COMMD10: variants seen among roughly 807,000 people sequenced by gnomAD.
The protein encoded by COMMD10 is COMM domain-containing protein 10.
In COMMD10, 33 loss-of-function variants were observed where a neutral mutation model predicts 28.9. That is an observed-to-expected ratio of 1.14 (90% CI 0.87 to 1.53). COMMD10 has a LOEUF of 1.53. COMMD10 is among the 40% of genes most tolerant of loss of function. The probability of loss-of-function intolerance (pLI) is 0.00; values close to 1 mark genes in which losing one functional copy is unlikely to be tolerated. For synonymous variants in COMMD10, 110 were observed against 81.7 expected, an observed-to-expected ratio of 1.35 and a Z score of -1.87; for missense variants, 310 against 233.4, an observed-to-expected ratio of 1.33 and a Z score of -2.14.
chr5:116,288,694 T>G (rs1197014660), intron 5 of COMMD10, among the ~76,000 whole-genome samples: 11 of 151,700 alleles, frequency 7.3e-5, no homozygotes, highest in Admixed American at 5.9e-4. Context: ...CACTGATTCT[T>G]CATTCTGCCT....
At position 116,241,651 on chromosome 5, in the gene COMMD10, C is replaced by T. The variant is rs1480629754; in HGVS notation, c.511-49866C>T. Among the ~76,000 whole-genome samples the T allele has an allele frequency of 5.3e-5, 8 of 150,644 alleles. No homozygotes were observed. In the East Asian group the frequency reaches 9.7e-4, roughly 18 times the overall value. ...ATTTTGAGATGGAGTCTCGCTCTGT[C>T]GCCCAGGCTGGAGTGCAGTGGCGCA... On this transcript the variant is annotated intron_variant, in intron 5 of 6. Coordinates refer to ENST00000274458, the MANE Select transcript of COMMD10 (RefSeq NM_016144.4).
At chr5:116,156,021 C>G (rs1219603452) in intron 5 of COMMD10, among the ~76,000 whole-genome samples, 2 of 151,744 alleles carry the variant, frequency 1.3e-5, no homozygotes, top group Admixed American at 1.3e-4. Flanking sequence ...TTTCTTTTTT[C>G]TTCATGTTAA....
intron 4 of COMMD10, 144 bp downstream of exon 4, chr5:116,092,844 C>T (rs570575160): frequency 7.9e-6 from 4 of 503,600 alleles, no homozygotes; most frequent in Non-Finnish European, 1.0e-5. Flanking sequence ...TTACAATGGC[C>T]TTACATCCTG....
chr5:116,125,546 A>G (rs969714624), intron 4 of COMMD10, among the ~76,000 whole-genome samples: 3 of 152,014 alleles, frequency 2.0e-5, no homozygotes, highest in East Asian at 3.9e-4. Context: ...GCTCTTCTCC[A>G]GGAGTATCTT....
At chr5:116,085,252 CGGAGTGCGT>C in intron 1 of COMMD10, 159 bp downstream of exon 1, 1 of 681,688 alleles carries the variant, frequency 1.5e-6, no homozygotes, top group South Asian at 1.8e-5. Context: ...GCTGCGTCTG[CGGAGTGCGT>C]GGGGCCGTGT....
chr5:116,196,545 T>G (rs1309554488), intron 5 of COMMD10, among the ~76,000 whole-genome samples: 1 of 151,866 alleles, frequency 6.6e-6, no homozygotes. Flanking sequence ...GTTAACTCTG[T>G]GATTCCTGCT....
At chr5:116,096,694 T>C (rs541159411) in intron 4 of COMMD10, among the ~76,000 whole-genome samples, 7 of 152,144 alleles carry the variant, frequency 4.6e-5, no homozygotes, top group Non-Finnish European at 1.0e-4. Flanking sequence ...CAGGCTCTTA[T>C]CATTAAGTAG....
chr5:116,212,375 A>G (rs1021740303), intron 5 of COMMD10, among the ~76,000 whole-genome samples: 2 of 152,072 alleles, frequency 1.3e-5, no homozygotes, highest in Non-Finnish European at 2.9e-5. Flanking sequence ...TACATATCCA[A>G]GCCAGTGGTA....
intron 5 of COMMD10, among the ~76,000 whole-genome samples, chr5:116,172,475 A>C (rs1037096711): frequency 6.6e-6 from 1 of 152,170 alleles, no homozygotes; most frequent in Non-Finnish European, 1.5e-5. Flanking sequence ...TGATTCTACA[A>C]AATCATAGGA....
intron 4 of COMMD10, among the ~76,000 whole-genome samples, chr5:116,124,787 CTCT>C (rs2112757486): frequency 6.6e-6 from 1 of 152,234 alleles, no homozygotes; most frequent in African/African-American, 2.4e-5. Flanking sequence ...GGATAGTTAG[CTCT>C]TCTTGTTGAA....
intron 5 of COMMD10, among the ~76,000 whole-genome samples, chr5:116,174,963 C>A (rs1173294969): frequency 6.6e-6 from 1 of 151,966 alleles, no homozygotes. Flanking sequence ...AATAATTGTA[C>A]CTTATGGCAG....
chr5:116,168,158 CAAAAA>C (rs56193014), intron 5 of COMMD10, among the ~76,000 whole-genome samples: 3 of 102,420 alleles, frequency 2.9e-5, no homozygotes, highest in Admixed American at 1.0e-4. Context: ...AAATGGAAAG[CAAAAA>C]AAAAAAAAAA....
At chr5:116,149,992 C>G (rs1005002253) in intron 5 of COMMD10, among the ~76,000 whole-genome samples, 7 of 152,052 alleles carry the variant, frequency 4.6e-5, no homozygotes, top group African/African-American at 1.7e-4. Context: ...GGTTTTAGGT[C>G]TAACGTTTAA....
At chr5:116,278,561 A>G (rs1317218801) in intron 5 of COMMD10, among the ~76,000 whole-genome samples, 1 of 151,864 alleles carries the variant, frequency 6.6e-6, no homozygotes. Context: ...TAACATATAG[A>G]CAACAAGTCA....
In COMMD10 at chr5:116,199,212, G is replaced by A. The variant is rs146900067; in HGVS notation, c.510+65034G>A. ...AATTTGGATTTCTCTACTGACATAC[G>A]GTGTGGAGCATCTTTTTATATATTT... is the stretch of plus-strand genomic sequence containing the variant. On this transcript the variant is annotated intron_variant, in intron 5 of 6. Coordinates refer to ENST00000274458, the MANE Select transcript of COMMD10 (RefSeq NM_016144.4). Among the ~76,000 whole-genome samples, 308 of 152,122 alleles carry A rather than the reference G, an allele frequency of 2.0e-3. 2 individuals carry two copies. Among genetic ancestry groups the A allele is most frequent in the African/African-American group, 7.0e-3 (290 of 41,522 alleles).
At chr5:116,198,554 G>A (rs901562584) in intron 5 of COMMD10, among the ~76,000 whole-genome samples, 2 of 152,048 alleles carry the variant, frequency 1.3e-5, no homozygotes, top group Non-Finnish European at 2.9e-5. Flanking sequence ...TAATATTAGG[G>A]TTCACTTTTG....
chr5:116,095,857 G>A (rs1013402191), intron 4 of COMMD10, among the ~76,000 whole-genome samples: 1 of 152,014 alleles, frequency 6.6e-6, no homozygotes, highest in African/African-American at 2.4e-5. Flanking sequence ...TTGCTCCAAT[G>A]TGATTTGTTG....
At chr5:116,221,448 G>T (rs769614982) in intron 5 of COMMD10, among the ~76,000 whole-genome samples, 1 of 152,144 alleles carries the variant, frequency 6.6e-6, no homozygotes, top group Non-Finnish European at 1.5e-5. Context: ...GTACAAATTT[G>T]TTGGTCTTGA....
chr5:116,171,731 G>A (rs1445253581), intron 5 of COMMD10, among the ~76,000 whole-genome samples: 1 of 152,072 alleles, frequency 6.6e-6, no homozygotes, highest in African/African-American at 2.4e-5. Flanking sequence ...CACAGGAACA[G>A]AAAACCAAAG....
Sources: gnomAD v4.1 joint callset for allele counts (sites outside exome capture counted in the v4.1 genomes callset) on GRCh38, gnomAD v4.1.1 for gene constraint, MANE v1.5 for transcripts, NCBI Gene and HGNC (gene_info 2026-07-23, HGNC 2026-07-21) for gene names.